HINT3: variants seen among roughly 807,000 people sequenced by gnomAD.
The protein encoded by HINT3 is adenosine 5'-monophosphoramidase HINT3.
A neutral mutation model predicts 19.1 loss-of-function variants in HINT3; 16 were observed. The observed-to-expected ratio is 0.84, with a 90% confidence interval of 0.57 to 1.27. The LOEUF is 1.27. Among genes scored for constraint, HINT3 ranks in the 50% most tolerant of loss-of-function variants. HINT3 has a pLI of 0.00. For missense variants in HINT3, 197 were observed against 225.8 expected, an observed-to-expected ratio of 0.87 and a Z score of 0.82; for synonymous variants, 75 against 84.8, an observed-to-expected ratio of 0.88 and a Z score of 0.63.
chr6:125,962,249 TAC>T (rs374943908), intron 1 of HINT3, among the ~76,000 whole-genome samples: 1 of 20,634 alleles, frequency 4.8e-5, no homozygotes, highest in Non-Finnish European at 7.7e-5. Flanking sequence ...TATATATATA[TAC>T]ACACATATAT....
rs1188151786 is a variant in HINT3 at position 125,964,749 on chromosome 6, C to T, written c.202-2138C>T. 2.1e-5 allele frequency among the ~76,000 whole-genome samples: 3 copies of T among 142,156 alleles called. No individual in the cohort carries two copies. In the South Asian group the frequency reaches 6.7e-4, roughly 32 times the overall value. 93.3% of individuals were successfully genotyped at this position (142,156 alleles called of 152,430 possible). A position where few individuals can be genotyped will look rare whatever the true frequency, so the allele number is the denominator to read the frequency against. On this transcript the variant is annotated intron_variant, in intron 1 of 4. Coordinates refer to ENST00000229633, the MANE Select transcript of HINT3 (RefSeq NM_138571.5). ...AAGAATAGTTTTATACACACACACA[C>T]ACACACACACACACACACACACACA... is the stretch of plus-strand genomic sequence containing the variant.
intron 1 of HINT3, 98 bp downstream of exon 1, chr6:125,957,276 C>A: frequency 1.6e-6 from 2 of 1,277,690 alleles, no homozygotes; most frequent in Non-Finnish European, 2.1e-6. Context: ...TGCAGAGGAT[C>A]CCGATCGCTA....
intron 3 of HINT3, among the ~76,000 whole-genome samples, chr6:125,973,168 G>C (rs9388463): frequency 0.72 from 105,415 of 146,878 alleles, 38,158 homozygotes; most frequent in East Asian, 0.95. Context: ...CTCTGCCTCC[G>C]GAGTTCAAGT....
chr6:125,962,003 G>A (rs1483473835), intron 1 of HINT3, among the ~76,000 whole-genome samples: 2 of 151,428 alleles, frequency 1.3e-5, no homozygotes, highest in Non-Finnish European at 2.9e-5. Flanking sequence ...GGGCAGGTGA[G>A]GGGAGGGCAA....
chr6:125,975,814 G>T (rs779238176), intron 4 of HINT3, among the ~76,000 whole-genome samples: 4 of 152,138 alleles, frequency 2.6e-5, no homozygotes, highest in African/African-American at 7.2e-5. Context: ...CTGACCTCAT[G>T]ATCCACCCGC....
rs1277939919 is a variant in HINT3 at position 125,957,195 on chromosome 6, G to T, written c.201+17G>T. 4.5e-6 allele frequency: 7 copies of T among 1,538,682 alleles called. No individual in the cohort carries two copies. The Admixed American group carries it at 1.4e-4, about 30-fold the overall frequency. ...CACTGCGAGGTGGGCGGCGACGCGC[G>T]GCCGGGGGTGGGTGAGGACCTGGCC... On this transcript the variant is annotated intron_variant, in intron 1 of 4. Transcript: ENST00000229633.
chr6:125,962,071 T>G (rs1399662166), intron 1 of HINT3, among the ~76,000 whole-genome samples: 1 of 150,460 alleles, frequency 6.6e-6, no homozygotes, highest in Non-Finnish European at 1.5e-5. Flanking sequence ...CTCTGAGGCC[T>G]AAAATGCCTC....
intron 1 of HINT3, among the ~76,000 whole-genome samples, chr6:125,965,710 C>T (rs1789008167): frequency 6.6e-6 from 1 of 152,026 alleles, no homozygotes; most frequent in Admixed American, 6.6e-5. Flanking sequence ...CATTATTGTG[C>T]CACTGCATTC....
Position 125,974,873 on chromosome 6 carries a change from G to C in HINT3, c.416G>C (p.Cys139Ser), listed in dbSNP as rs1183128006. Reference protein sequence around the residue: ...VRMGFHMPPFCSISHLHLHVL... With the variant: ...VRMGFHMPPFSSISHLHLHVL... ...ATGGGTTTTCATATGCCACCATTCT[G>C]TTCCATTTCCCACTTGCACCTTCAT... Residue 139 changes from cysteine to serine, a missense_variant, in exon 4 of 5, where the codon TGT (cysteine) becomes TCT (serine). By Grantham distance (112) the Cys-to-Ser change is moderately radical. Transcript: ENST00000229633. The C allele has an allele frequency of 1.9e-6, 3 of 1,613,952 alleles. No individual in the cohort carries two copies. The highest frequency in any genetic ancestry group is 3.3e-4 in the Middle Eastern group (2 of 6,060).
At chr6:125,965,605 T>A (rs1437310654) in intron 1 of HINT3, among the ~76,000 whole-genome samples, 1 of 151,764 alleles carries the variant, frequency 6.6e-6, no homozygotes, top group Non-Finnish European at 1.5e-5. Context: ...TACAAATATA[T>A]ATATATAGCC....
intron 2 of HINT3, among the ~76,000 whole-genome samples, chr6:125,969,644 G>A (rs150186356): frequency 9.3e-4 from 142 of 152,154 alleles, no homozygotes; most frequent in Middle Eastern, 3.4e-3. Flanking sequence ...TCATTTGTTT[G>A]TATCATCTAT....
intron 2 of HINT3, among the ~76,000 whole-genome samples, chr6:125,968,652 T>C (rs1445459229): frequency 6.6e-6 from 1 of 152,214 alleles, no homozygotes; most frequent in Non-Finnish European, 1.5e-5. Context: ...TGTTATGTTT[T>C]CTCTTCTGCC....
At chr6:125,969,760 G>A (rs1180238865) in intron 2 of HINT3, among the ~76,000 whole-genome samples, 1 of 152,092 alleles carries the variant, frequency 6.6e-6, no homozygotes, top group Non-Finnish European at 1.5e-5. Context: ...TTGTAAATGG[G>A]ATTGTGTTCT....
intron 4 of HINT3, among the ~76,000 whole-genome samples, chr6:125,977,323 T>C (rs1162958926): frequency 6.6e-6 from 1 of 152,196 alleles, no homozygotes; most frequent in Non-Finnish European, 1.5e-5. Flanking sequence ...TATGTAGCCT[T>C]TTCAGATTGG....
rs2128710087 is a variant in HINT3, at chr6:125,957,151, C to T, written c.174C>T (p.Asp58=). 1 of 1,549,800 alleles carries T rather than the reference C, an allele frequency of 6.5e-7. No individual in the cohort carries two copies. Among genetic ancestry groups the T allele is most frequent in the Non-Finnish European group, 8.7e-7 (1 of 1,146,478 alleles). The change falls in exon 1 of 5, where the codon GAC becomes GAT. Residue 58 remains aspartate (D), a synonymous_variant. Transcript: ENST00000229633. ...CVFCRIAGRQ[D]PGTELLHCEN... ...TCTGCCGGATCGCGGGGCGGCAGGA[C>T]CCGGGCACCGAACTCCTGCACTGCG...
intron 1 of HINT3, among the ~76,000 whole-genome samples, chr6:125,965,512 GC>G (rs1276811946): frequency 1.3e-5 from 2 of 152,146 alleles, no homozygotes; most frequent in African/African-American, 2.4e-5. Flanking sequence ...GGTAATCCCA[GC>G]ACTTTGGGAG....
intron 1 of HINT3, among the ~76,000 whole-genome samples, chr6:125,960,134 C>T (rs1788896918): frequency 6.6e-6 from 1 of 152,182 alleles, no homozygotes; most frequent in Non-Finnish European, 1.5e-5. Flanking sequence ...TTTGAAGTAG[C>T]TCCTGTGAAG....
Position 125,966,759 on chromosome 6 carries a change from C to T in HINT3, c.202-128C>T, listed in dbSNP as rs1261225690. The T allele has an allele frequency of 5.5e-6, 3 of 543,482 alleles. No individual in the cohort carries two copies. The African/African-American group carries it at 5.8e-5, about 11-fold the overall frequency. 33.7% of individuals were successfully genotyped at this position (543,482 alleles called of 1,614,324 possible). A position where few individuals can be genotyped will look rare whatever the true frequency, so the allele number is the denominator to read the frequency against. On this transcript the variant is annotated intron_variant, in intron 1 of 4. Coordinates refer to ENST00000229633, the MANE Select transcript of HINT3 (RefSeq NM_138571.5). Reference sequence around the variant, plus strand: ...CTTAATGCGTAATTATAAAATTGCCCAGTGGGGGTTAGGTGTAACATAAGT... The same window carrying T: ...CTTAATGCGTAATTATAAAATTGCCTAGTGGGGGTTAGGTGTAACATAAGT...
intron 1 of HINT3, among the ~76,000 whole-genome samples, chr6:125,964,737 TACACAC>T (rs3083382): frequency 0.088 from 13,133 of 148,458 alleles, 1,672 homozygotes; most frequent in African/African-American, 0.29. Flanking sequence ...AATAGTTTTA[TACACAC>T]ACACACACAC....
Sources: allele counts gnomAD v4.1 joint callset (sites outside exome capture counted in the v4.1 genomes callset), GRCh38; gene constraint gnomAD v4.1.1; transcripts MANE v1.5; gene names NCBI Gene and HGNC (gene_info 2026-07-23, HGNC 2026-07-21).